CENPP: variants seen among roughly 807,000 people sequenced by gnomAD.
CENPP encodes the protein centromere protein P.
In CENPP, 24 loss-of-function variants were observed where a neutral mutation model predicts 35.6. That is an observed-to-expected ratio of 0.67 (90% CI 0.49 to 0.95). The LOEUF (loss-of-function observed/expected upper bound fraction) is 0.95. Among genes scored for constraint, CENPP ranks in the 40% least tolerant of loss-of-function variants. CENPP has a pLI of 0.00. For synonymous variants in CENPP, 120 were observed against 125.5 expected, an observed-to-expected ratio of 0.96 and a Z score of 0.29; for missense variants, 332 against 345.3, an observed-to-expected ratio of 0.96 and a Z score of 0.31.
At position 92,373,713 on chromosome 9, in the gene CENPP, C is replaced by T. The variant is rs186130139; in HGVS notation, c.468-6050C>T. ...TGGTGGTGCGTGCCTGTACTCCCAG[C>T]TACTCGGGAGGCTGAGGCAAGAGAA... On this transcript the variant is annotated intron_variant, in intron 4 of 7. Transcript: ENST00000375587. 2.2e-3 allele frequency among the ~76,000 whole-genome samples: 341 copies of T among 152,204 alleles called. 4 individuals carry two copies. Among genetic ancestry groups the T allele is most frequent in the African/African-American group, 7.7e-3 (319 of 41,522 alleles).
intron 5 of CENPP, among the ~76,000 whole-genome samples, chr9:92,599,581 T>A (rs1850859872): frequency 6.6e-6 from 1 of 152,088 alleles, no homozygotes; most frequent in Non-Finnish European, 1.5e-5. Flanking sequence ...CACGCCTGGC[T>A]AATTTTTGTA....
intron 4 of CENPP, among the ~76,000 whole-genome samples, chr9:92,351,475 C>CA (rs34297687): frequency 7.9e-4 from 105 of 132,546 alleles, no homozygotes; most frequent in Middle Eastern, 3.7e-3. Context: ...GAGACTATCT[C>CA]AAAAAAAAAA....
chr9:92,592,513 T>C (rs1850689894), intron 5 of CENPP, among the ~76,000 whole-genome samples: 1 of 152,210 alleles, frequency 6.6e-6, no homozygotes, highest in Non-Finnish European at 1.5e-5. Context: ...TAGTATTCCA[T>C]TGTGTGGATA....
intron 5 of CENPP, among the ~76,000 whole-genome samples, chr9:92,458,393 CT>C (rs1286374576): frequency 1.3e-5 from 2 of 152,118 alleles, no homozygotes; most frequent in African/African-American, 4.8e-5. Context: ...TAGATTCTGC[CT>C]TTATGTCTTA....
At chr9:92,382,553 T>A (rs1239214598) in intron 5 of CENPP, among the ~76,000 whole-genome samples, 1 of 152,192 alleles carries the variant, frequency 6.6e-6, no homozygotes, top group East Asian at 1.9e-4. Context: ...TTTTTACCTG[T>A]GTTTTTGGTG....
intron 5 of CENPP, chr9:92,494,228 G>A (rs1041829576): frequency 4.8e-6 from 7 of 1,454,806 alleles, no homozygotes; most frequent in Admixed American, 3.6e-5. Flanking sequence ...TGCTAGTTCT[G>A]CTGACTCACC....
intron 5 of CENPP, chr9:92,470,851 A>C (rs1408652010): frequency 1.3e-5 from 12 of 953,036 alleles, no homozygotes; most frequent in Non-Finnish European, 1.7e-5. Flanking sequence ...TATGGTAGAA[A>C]TATACATTTT....
intron 5 of CENPP, among the ~76,000 whole-genome samples, chr9:92,466,055 A>G (rs1220889307): frequency 2.0e-5 from 3 of 151,796 alleles, no homozygotes; most frequent in Admixed American, 2.0e-4. Context: ...CTAGTCTCAA[A>G]CTCCTGACCT....
At chr9:92,525,886 C>CT (rs1201810226) in intron 5 of CENPP, among the ~76,000 whole-genome samples, 3 of 120,692 alleles carry the variant, frequency 2.5e-5, no homozygotes, top group African/African-American at 9.9e-5. Flanking sequence ...CAGAGAGACT[C>CT]TATCTCCAAA....
chr9:92,599,063 G>C (rs1413357892), intron 5 of CENPP, among the ~76,000 whole-genome samples: 1 of 151,750 alleles, frequency 6.6e-6, no homozygotes, highest in Non-Finnish European at 1.5e-5. Context: ...TCGCACCACT[G>C]CACTCCAGCC....
At chr9:92,532,744 A>G (rs1848875765) in intron 5 of CENPP, among the ~76,000 whole-genome samples, 1 of 152,128 alleles carries the variant, frequency 6.6e-6, no homozygotes, top group Non-Finnish European at 1.5e-5. Context: ...TTTTTTAAAC[A>G]TATTAAAAAT....
chr9:92,502,558 T>C lies in CENPP; in HGVS notation c.565-108756T>C, dbSNP rs753296244. On this transcript the variant is annotated intron_variant, in intron 5 of 7. Transcript: ENST00000375587. Reference sequence around the variant, plus strand: ...AGGAGCAATCCTATTTTCTTCAATTTTGTTATAACGTAGTACAATGACATT... The same window carrying C: ...AGGAGCAATCCTATTTTCTTCAATTCTGTTATAACGTAGTACAATGACATT... 24 of 1,612,690 alleles carry C rather than the reference T, an allele frequency of 1.5e-5. No homozygotes were observed. Among genetic ancestry groups the C allele is most frequent in the African/African-American group, 5.3e-5 (4 of 74,856 alleles).
chr9:92,504,818 C>T (rs141857838), intron 5 of CENPP, among the ~76,000 whole-genome samples: 1 of 152,306 alleles, frequency 6.6e-6, no homozygotes, highest in African/African-American at 2.4e-5. Flanking sequence ...GGATTACTGG[C>T]GTGAGCCACT....
chr9:92,336,238 G>C (rs72750494), intron 2 of CENPP, among the ~76,000 whole-genome samples: 4,653 of 151,974 alleles, frequency 0.031, 111 homozygotes, highest in South Asian at 0.079. Flanking sequence ...GTGATGTTTT[G>C]TTCTTACCAG....
intron 5 of CENPP, among the ~76,000 whole-genome samples, chr9:92,590,797 TAGAA>T (rs1490986968): frequency 1.6e-4 from 24 of 152,184 alleles, no homozygotes; most frequent in Admixed American, 1.2e-3. Context: ...GAAAGATAAA[TAGAA>T]AGCTCACAAA....
intron 5 of CENPP, among the ~76,000 whole-genome samples, chr9:92,461,934 C>G (rs540346394): frequency 6.6e-6 from 1 of 151,550 alleles, no homozygotes; most frequent in East Asian, 1.9e-4. Flanking sequence ...GGATTTTTAC[C>G]CTATTTGATA....
At chr9:92,430,477 C>T (rs1324226689) in intron 5 of CENPP, among the ~76,000 whole-genome samples, 3 of 150,620 alleles carry the variant, frequency 2.0e-5, no homozygotes, top group Non-Finnish European at 4.4e-5. Context: ...CTGCTTCAGT[C>T]GCCCGAGTAG....
At chr9:92,328,403 C>T (rs1840636384) in intron 1 of CENPP, among the ~76,000 whole-genome samples, 1 of 152,102 alleles carries the variant, frequency 6.6e-6, no homozygotes, top group African/African-American at 2.4e-5. Flanking sequence ...CACTGTGGAG[C>T]CAAATTGCCT....
intron 5 of CENPP, among the ~76,000 whole-genome samples, chr9:92,452,517 A>T (rs1242169718): frequency 6.6e-6 from 1 of 152,062 alleles, no homozygotes; most frequent in Non-Finnish European, 1.5e-5. Context: ...TTTATTGAGG[A>T]TTTTTGCATC....
Sources: allele counts gnomAD v4.1 joint callset (sites outside exome capture counted in the v4.1 genomes callset), GRCh38; gene constraint gnomAD v4.1.1; transcripts MANE v1.5; gene names NCBI Gene and HGNC (gene_info 2026-07-23, HGNC 2026-07-21).